The following BBOX1 variants were observed in gnomAD, a reference collection of about 807,000 sequenced individuals.
BBOX1 encodes gamma-butyrobetaine hydroxylase 1.
In BBOX1, 35 loss-of-function variants were observed where a neutral mutation model predicts 41.6. The ratio of observed to expected loss-of-function variants is 0.84; its 90% CI spans 0.64 to 1.11. The LOEUF is 1.11. Among genes scored for constraint, BBOX1 ranks in the 50% most tolerant of loss-of-function variants. The pLI is 0.00. For missense variants in BBOX1, 458 were observed against 460.6 expected (o/e 0.99, Z 0.05); for synonymous variants, 163 against 154.7 (o/e 1.05, Z -0.40).
At chr11:27,059,193 C>T (rs901765349) in intron 4 of BBOX1, among the ~76,000 whole-genome samples, 5 of 152,146 alleles carry the variant, frequency 3.3e-5, no homozygotes, top group Non-Finnish European at 7.4e-5. Context: ...CCAAGGGGCC[C>T]AGGTACAGGT....
At chr11:27,123,389 T>A (rs1298849642) in intron 7 of BBOX1, among the ~76,000 whole-genome samples, 2 of 152,096 alleles carry the variant, frequency 1.3e-5, no homozygotes, top group African/African-American at 4.8e-5. Context: ...AGTTAGCTCA[T>A]AATTAGCATA....
chr11:27,043,038 A>C (rs1274743347), intron 2 of BBOX1, among the ~76,000 whole-genome samples: 1 of 152,082 alleles, frequency 6.6e-6, no homozygotes, highest in Non-Finnish European at 1.5e-5. Context: ...CAATCTTGAG[A>C]TTTAGCTACT....
intron 4 of BBOX1, among the ~76,000 whole-genome samples, chr11:27,076,317 C>T (rs556385789): frequency 6.6e-5 from 10 of 152,234 alleles, no homozygotes; most frequent in African/African-American, 2.2e-4. Flanking sequence ...TATAAATAAC[C>T]TTAGTGTGTT....
intron 2 of BBOX1, among the ~76,000 whole-genome samples, chr11:27,042,872 C>T (rs999467904): frequency 1.3e-5 from 2 of 152,006 alleles, no homozygotes; most frequent in African/African-American, 4.8e-5. Flanking sequence ...TCAACCTCCA[C>T]CTTACCAAGT....
chr11:27,052,421 AAAAAATATTT>A (rs1856844636), intron 2 of BBOX1, among the ~76,000 whole-genome samples: 1 of 152,056 alleles, frequency 6.6e-6, no homozygotes, highest in African/African-American at 2.4e-5. Flanking sequence ...TGCTACCTGA[AAAAAATATTT>A]AAAAAGTCCC....
chr11:27,057,637 G>C (rs1344804458), intron 4 of BBOX1, among the ~76,000 whole-genome samples: 1 of 152,158 alleles, frequency 6.6e-6, no homozygotes, highest in Non-Finnish European at 1.5e-5. Context: ...GGATGAACTA[G>C]AGGCAGACTG....
At chr11:27,121,519 T>C (rs770800558) in intron 7 of BBOX1, among the ~76,000 whole-genome samples, 7 of 152,108 alleles carry the variant, frequency 4.6e-5, no homozygotes, top group Non-Finnish European at 8.8e-5. Context: ...CTAGCAATGG[T>C]GGTGCCTTGA....
chr11:27,067,463 G>A (rs1001451951), intron 4 of BBOX1, among the ~76,000 whole-genome samples: 12 of 151,866 alleles, frequency 7.9e-5, no homozygotes, highest in African/African-American at 2.2e-4. Context: ...GGCCAGGCGC[G>A]GTGGCTCACA....
intron 2 of BBOX1, among the ~76,000 whole-genome samples, chr11:27,048,407 G>A (rs982737095): frequency 1.3e-5 from 2 of 151,838 alleles, no homozygotes; most frequent in African/African-American, 4.8e-5. Context: ...CCTTCAGGTT[G>A]ATCTGTGTTA....
At chr11:27,118,216 C>T (rs971257304) in intron 6 of BBOX1, among the ~76,000 whole-genome samples, 1 of 152,044 alleles carries the variant, frequency 6.6e-6, no homozygotes, top group East Asian at 1.9e-4. Flanking sequence ...CTGTCTCCAG[C>T]AAATGAAACA....
rs147720243 is a variant in BBOX1, at chr11:27,068,572, T to G, written c.334+11257T>G. Among the ~76,000 whole-genome samples, 605 of 152,252 alleles carry G rather than the reference T, an allele frequency of 4.0e-3. 4 individuals are homozygous for G. Among genetic ancestry groups the G allele is most frequent in the African/African-American group, 0.014 (586 of 41,576 alleles). On this transcript the variant is annotated intron_variant, in intron 4 of 8. Coordinates refer to ENST00000263182, the MANE Select transcript of BBOX1 (RefSeq NM_003986.3). ...TTTTGCTATACAGAGCTTTTTAGTTTAATAAGTCCCCATTTATTTATGTAT... is the reference window on the plus strand; with the variant it reads ...TTTTGCTATACAGAGCTTTTTAGTTGAATAAGTCCCCATTTATTTATGTAT...
At chr11:27,101,790 C>A (rs1858670981) in intron 5 of BBOX1, among the ~76,000 whole-genome samples, 1 of 152,100 alleles carries the variant, frequency 6.6e-6, no homozygotes, top group African/African-American at 2.4e-5. Context: ...TTGATTGCCA[C>A]AATCAAGCTT....
chr11:27,057,060 GACT>G (rs1857002503), intron 3 of BBOX1, 138 bp from the exon 4 acceptor site: 5 of 31,936 alleles, frequency 1.6e-4, no homozygotes, highest in Non-Finnish European at 1.4e-4. Context: ...GGAAGACTCC[GACT>G]TAAAAAAAAA....
intron 5 of BBOX1, among the ~76,000 whole-genome samples, chr11:27,100,596 A>G (rs1412622884): frequency 6.6e-6 from 1 of 152,132 alleles, no homozygotes; most frequent in Non-Finnish European, 1.5e-5. Context: ...GCAGAGTAAC[A>G]AGCTATGTTC....
chr11:27,054,148 C>T (rs1856898351), intron 2 of BBOX1, among the ~76,000 whole-genome samples: 1 of 151,872 alleles, frequency 6.6e-6, no homozygotes, highest in Non-Finnish European at 1.5e-5. Context: ...GTCACTAAAT[C>T]CCCCAGTGCC....
chr11:27,124,501 G>A (rs1859575044), intron 7 of BBOX1, among the ~76,000 whole-genome samples: 1 of 152,008 alleles, frequency 6.6e-6, no homozygotes, highest in South Asian at 2.1e-4. Flanking sequence ...AAGAAATAAT[G>A]TGCTTTCCTT....
rs1402477942 is a variant in BBOX1, at chr11:27,044,006, G to C, written c.-39+2528G>C. On this transcript the variant is annotated intron_variant, in intron 2 of 8. Coordinates refer to ENST00000263182, the MANE Select transcript of BBOX1 (RefSeq NM_003986.3). ...ATGGTATTCCTGGTTCTAGATCCTT[G>C]AGGAATTGCCACACTGTCTTCCACA... Among the ~76,000 whole-genome samples, 6 of 152,270 alleles carry C rather than the reference G, an allele frequency of 3.9e-5. No individual in the cohort carries two copies. The East Asian group carries it at 9.6e-4, about 24-fold the overall frequency.
intron 7 of BBOX1, among the ~76,000 whole-genome samples, chr11:27,121,595 A>T (rs551123530): frequency 6.6e-6 from 1 of 152,200 alleles, no homozygotes; most frequent in African/African-American, 2.4e-5. Context: ...TACATTTTGC[A>T]TGTATAAACA....
chr11:27,106,069 C>G (rs1858854163), intron 5 of BBOX1, among the ~76,000 whole-genome samples: 1 of 152,136 alleles, frequency 6.6e-6, no homozygotes, highest in African/African-American at 2.4e-5. Flanking sequence ...CCAGGCCTGC[C>G]CTAAAAGAGC....
Sources: allele counts gnomAD v4.1 joint callset (sites outside exome capture counted in the v4.1 genomes callset), GRCh38; gene constraint gnomAD v4.1.1; transcripts MANE v1.5; gene names NCBI Gene and HGNC (gene_info 2026-07-23, HGNC 2026-07-21).